The following PUS7L variants were observed in gnomAD, a reference collection of about 807,000 sequenced individuals.
The protein encoded by PUS7L is pseudouridylate synthase PUS7L.
In PUS7L, 49 loss-of-function variants were observed where a neutral mutation model predicts 51.1. The observed-to-expected ratio is 0.96, with a 90% confidence interval of 0.76 to 1.22. The LOEUF (loss-of-function observed/expected upper bound fraction) is 1.22. Among genes scored for constraint, PUS7L ranks in the 50% most tolerant of loss-of-function variants. The pLI is 0.00. For synonymous variants in PUS7L, 277 were observed against 276.2 expected (o/e 1.00, Z -0.03); for missense variants, 828 against 820.6 (o/e 1.01, Z -0.11).
At chr12:43,753,887 T>C (rs537883223) in intron 2 of PUS7L, among the ~76,000 whole-genome samples, 32 of 152,138 alleles carry the variant, frequency 2.1e-4, no homozygotes, top group Non-Finnish European at 4.4e-4. Context: ...CTACCTTGGG[T>C]AGGGAAATAT....
rs1449897050 is a variant in PUS7L, at chr12:43,725,107, ATG to A, written c.*5267_*5268del. ...TCTCCTTCCTTAAACAGAATGATTG[ATG>A]TGAGGACTGAAAGTATATTGAAAAA... On this transcript the variant is annotated 3_prime_UTR_variant, in exon 9 of 9. Coordinates refer to ENST00000344862, the MANE Select transcript of PUS7L (RefSeq NM_031292.5). 6.6e-6 allele frequency: 1 copy of A among 152,202 alleles called. No individual in the cohort carries two copies. The highest frequency in any genetic ancestry group is 1.9e-4 in the East Asian group (1 of 5,188). 9.4% of individuals were successfully genotyped at this position (152,202 alleles called of 1,614,324 possible). A position where few individuals can be genotyped will look rare whatever the true frequency, so the allele number is the denominator to read the frequency against.
Position 43,758,664 on chromosome 12 carries a change from CCCACA to C in PUS7L, c.-17+61_-17+65del, listed in dbSNP as rs1274759248. On this transcript the variant is annotated intron_variant, in intron 1 of 8. Coordinates refer to ENST00000344862, the MANE Select transcript of PUS7L (RefSeq NM_031292.5). ...AATGCCAACCTCGTCACCCCCCCCCCCCACACACACACACACACACACACATACAA... is the reference window on the plus strand; with the variant it reads ...AATGCCAACCTCGTCACCCCCCCCCCCACACACACACACACACACATACAA... 2.6e-3 allele frequency: 1,865 copies of C among 712,306 alleles called. 1 individual carries two copies. The highest frequency in any genetic ancestry group is 0.013 in the South Asian group (167 of 13,004). 44.1% of individuals were successfully genotyped at this position (712,306 alleles called of 1,614,324 possible). A position where few individuals can be genotyped will look rare whatever the true frequency, so the allele number is the denominator to read the frequency against.
chr12:43,750,846 T>C (rs961153579), intron 2 of PUS7L, among the ~76,000 whole-genome samples: 18 of 152,006 alleles, frequency 1.2e-4, no homozygotes, highest in African/African-American at 4.3e-4. Flanking sequence ...GTTAGGAGGG[T>C]AGATATTGGA....
At position 43,738,428 on chromosome 12, in the gene PUS7L, A is replaced by G. The variant is rs970375037; in HGVS notation, c.1363-37T>C. The G allele has an allele frequency of 3.8e-6, 4 of 1,061,848 alleles. No individual in the cohort carries two copies. The African/African-American group carries it at 6.4e-5, about 17-fold the overall frequency. The allele number at this position is 1,061,848 out of a possible 1,614,324, so 65.8% of individuals were successfully genotyped here. On this transcript the variant is annotated intron_variant, in intron 5 of 8. Transcript: ENST00000344862. Reference sequence around the variant, plus strand: ...AAGCAGGTAAACATGTGTTAATGAAAATGTCAAATTACTTTCTTTAAAAAA... The same window carrying G: ...AAGCAGGTAAACATGTGTTAATGAAGATGTCAAATTACTTTCTTTAAAAAA...
intron 1 of PUS7L, chr12:43,758,332 A>C (rs1385177749): frequency 1.0e-6 from 1 of 985,412 alleles, no homozygotes; most frequent in Non-Finnish European, 1.2e-6. Flanking sequence ...CTGAAGGTGC[A>C]GTATTCCCAT....
Position 43,742,557 on chromosome 12 carries a change from T to C in PUS7L, c.1264-2A>G. ...ATAGTAATTCACAAAGCCTTTTTTCTATGTATACAAAATAATCAACAAATT... is the reference window on the plus strand; with the variant it reads ...ATAGTAATTCACAAAGCCTTTTTTCCATGTATACAAAATAATCAACAAATT... On this transcript the variant is annotated splice_acceptor_variant, in intron 4 of 8. Coordinates refer to ENST00000344862, the MANE Select transcript of PUS7L (RefSeq NM_031292.5). LOFTEE classifies it high-confidence loss of function. The C allele has an allele frequency of 6.3e-7, 1 of 1,591,230 alleles. No individual in the cohort carries two copies. Among genetic ancestry groups the C allele is most frequent in the South Asian group, 1.1e-5 (1 of 87,904 alleles).
At chr12:43,747,284 A>C (rs1017405823) in intron 3 of PUS7L, among the ~76,000 whole-genome samples, 2 of 152,234 alleles carry the variant, frequency 1.3e-5, no homozygotes, top group African/African-American at 4.8e-5. Flanking sequence ...AATGTTAAAC[A>C]AATTAGTCTA....
At chr12:43,732,250 T>A (rs1035303755) in intron 7 of PUS7L, among the ~76,000 whole-genome samples, 19 of 152,196 alleles carry the variant, frequency 1.2e-4, no homozygotes, top group African/African-American at 4.3e-4. Context: ...GAGACCAGCA[T>A]GGACAACATA....
chr12:43,736,638 A>G lies in PUS7L; in HGVS notation c.1468T>C (p.Leu490=), dbSNP rs769961705. The change falls in exon 7 of 9, where the codon TTG becomes CTG. Residue 490 remains leucine, a synonymous_variant. Coordinates refer to ENST00000344862, the MANE Select transcript of PUS7L (RefSeq NM_031292.5). ...QTEDAKGTLS[L]MPEFKVRERA... ...TCACGCACTTTGAATTCAGGCATCA[A>G]TGAAAGTGTGCCTTTAGCATCCTCT... 1.2e-6 allele frequency: 2 copies of G among 1,613,950 alleles called. No individual in the cohort carries two copies. The highest frequency in any genetic ancestry group is 1.7e-5 in the Admixed American group (1 of 60,030).
At chr12:43,737,480 T>C (rs1290309126) in intron 6 of PUS7L, among the ~76,000 whole-genome samples, 1 of 151,858 alleles carries the variant, frequency 6.6e-6, no homozygotes, top group African/African-American at 2.4e-5. Context: ...CTGACATCCT[T>C]TATTTCAATA....
chr12:43,726,513 C>T lies in PUS7L; in HGVS notation c.*3863G>A, dbSNP rs556097116. ...AAGATATCATGACAGACTCCAAAAG[C>T]AACTGGAACAAAGCCAATAATTGAC... On this transcript the variant is annotated 3_prime_UTR_variant, in exon 9 of 9. Transcript: ENST00000344862. 6.6e-6 allele frequency: 1 copy of T among 152,076 alleles called. No homozygotes were observed. The highest frequency in any genetic ancestry group is 1.9e-4 in the East Asian group (1 of 5,182). The allele number at this position is 152,076 out of a possible 1,614,324, so 9.4% of individuals were successfully genotyped here.
chr12:43,738,363 G>A lies in PUS7L; in HGVS notation c.1391C>T (p.Pro464Leu). The change falls in exon 6 of 9, where the codon CCA becomes CTA. Residue 464 changes from proline to leucine, a missense_variant. Coordinates refer to ENST00000344862, the MANE Select transcript of PUS7L (RefSeq NM_031292.5). Reference protein sequence around the residue: ...MMKAIKLFLTPEDLDDPVNRA... With the variant: ...MMKAIKLFLTLEDLDDPVNRA... Reference sequence around the variant, plus strand: ...ATTTACAGGATCATCCAAGTCTTCTGGTGTAAGAAACAATTTTATGGCTTT... The same window carrying A: ...ATTTACAGGATCATCCAAGTCTTCTAGTGTAAGAAACAATTTTATGGCTTT... The A allele has an allele frequency of 6.3e-7, 1 of 1,592,476 alleles. No homozygotes were observed. The highest frequency in any genetic ancestry group is 8.6e-7 in the Non-Finnish European group (1 of 1,161,962).
At chr12:43,732,763 CAAT>C (rs1020083268) in intron 7 of PUS7L, among the ~76,000 whole-genome samples, 1 of 152,184 alleles carries the variant, frequency 6.6e-6, no homozygotes, top group African/African-American at 2.4e-5. Context: ...CTAGTCTTAT[CAAT>C]AATGTTGCTC....
intron 1 of PUS7L, chr12:43,758,392 C>T (rs1286906589): frequency 2.0e-6 from 2 of 985,524 alleles, no homozygotes; most frequent in Middle Eastern, 5.2e-4. Flanking sequence ...TTGCTTGGCC[C>T]GTGGTTGAGG....
At chr12:43,746,550 T>C (rs984834595) in intron 3 of PUS7L, among the ~76,000 whole-genome samples, 20 of 152,292 alleles carry the variant, frequency 1.3e-4, no homozygotes, top group African/African-American at 4.8e-4. Context: ...GATCTTCCTG[T>C]CCCCAACTCT....
chr12:43,754,536 G>A lies in PUS7L; in HGVS notation c.710C>T (p.Thr237Ile). ...ENSKFTFKPD[T>I]NKDHRKAVHH... ...GACAGCTTTTCTGTGGTCTTTGTTT[G>A]TATCAGGTTTAAAGGTAAATTTGGA... Residue 237 changes from threonine (T) to isoleucine (I), a missense_variant, in exon 2 of 9, where the codon ACA becomes ATA. Transcript: ENST00000344862. 12 of 1,612,216 alleles carry A rather than the reference G, an allele frequency of 7.4e-6. No individual in the cohort carries two copies. Among genetic ancestry groups the A allele is most frequent in the Non-Finnish European group, 1.0e-5 (12 of 1,179,366 alleles).
intron 1 of PUS7L, 63 bp downstream of exon 1, chr12:43,758,661 CCCCCCA>C: frequency 1.3e-6 from 1 of 753,712 alleles, no homozygotes; most frequent in Non-Finnish European, 1.5e-6. Context: ...GTCACCCCCC[CCCCCCA>C]CACACACACA....
chr12:43,743,109 G>A (rs1171025176), intron 4 of PUS7L, among the ~76,000 whole-genome samples: 1 of 152,134 alleles, frequency 6.6e-6, no homozygotes, highest in African/African-American at 2.4e-5. Context: ...TCCAGCACCT[G>A]GAACAGTCTG....
rs559268307 is a variant in PUS7L at position 43,720,129 on chromosome 12, G to A, written c.*10247C>T. On this transcript the variant is annotated 3_prime_UTR_variant, in exon 9 of 9. Coordinates refer to ENST00000344862, the MANE Select transcript of PUS7L (RefSeq NM_031292.5). ...TTAAGTGCATCCCACAAGTTTTGATGTGTAGTATGGTTTAATATCATTGAC... is the reference window on the plus strand; with the variant it reads ...TTAAGTGCATCCCACAAGTTTTGATATGTAGTATGGTTTAATATCATTGAC... 1.3e-5 allele frequency: 2 copies of A among 152,298 alleles called. No homozygotes were observed. Among genetic ancestry groups the A allele is most frequent in the South Asian group, 4.1e-4 (2 of 4,830 alleles). 9.4% of individuals were successfully genotyped at this position (152,298 alleles called of 1,614,324 possible).
Sources: gnomAD v4.1 joint callset for allele counts (sites outside exome capture counted in the v4.1 genomes callset) on GRCh38, gnomAD v4.1.1 for gene constraint, MANE v1.5 for transcripts, NCBI Gene and HGNC (gene_info 2026-07-23, HGNC 2026-07-21) for gene names.